ITSN1: variants seen among roughly 807,000 people sequenced by gnomAD.
ITSN1 encodes intersectin 1, also known as intersectin-1.
In ITSN1, 58 loss-of-function variants were observed where a neutral mutation model predicts 239.8. The ratio of observed to expected loss-of-function variants is 0.24; its 90% confidence interval spans 0.20 to 0.30. The LOEUF is 0.30. Ranked by LOEUF, ITSN1 falls within the 10% of genes least tolerant of loss-of-function variation. The pLI, the probability that ITSN1 is intolerant of heterozygous loss-of-function variation, is 1.00. For synonymous variants in ITSN1, 780 were observed against 770.8 expected, an observed-to-expected ratio of 1.01 and a Z score of -0.20; for missense variants, 1,558 against 2,103.3, an observed-to-expected ratio of 0.74 and a Z score of 5.07.
At chr21:33,738,204 A>G (rs2066620167) in intron 5 of ITSN1, among the ~76,000 whole-genome samples, 1 of 151,998 alleles carries the variant, frequency 6.6e-6, no homozygotes, top group Non-Finnish European at 1.5e-5. Context: ...AAAACAAAAC[A>G]AAAATCTGAC....
At chr21:33,867,912 C>T (rs1296237975) in intron 33 of ITSN1, among the ~76,000 whole-genome samples, 1 of 152,018 alleles carries the variant, frequency 6.6e-6, no homozygotes, top group Non-Finnish European at 1.5e-5. Flanking sequence ...GTTCGTTCCT[C>T]CCGGTGGGCT....
At chr21:33,827,483 GT>G (rs2074038380) in intron 26 of ITSN1, among the ~76,000 whole-genome samples, 1 of 152,214 alleles carries the variant, frequency 6.6e-6, no homozygotes, top group East Asian at 1.9e-4. Context: ...ACATGGAGCT[GT>G]AGGATTATGG....
intron 14 of ITSN1, among the ~76,000 whole-genome samples, chr21:33,778,576 T>TGTATGTAAG: frequency 8.7e-6 from 1 of 114,524 alleles, no homozygotes; most frequent in African/African-American, 4.0e-5. Context: ...ATTCTCTTTT[T>TGTATGTAAG]TTTTTTTTTT....
chr21:33,731,294 C>T (rs553940378), intron 4 of ITSN1, among the ~76,000 whole-genome samples: 1 of 152,274 alleles, frequency 6.6e-6, no homozygotes, highest in Non-Finnish European at 1.5e-5. Context: ...AGAGACCATA[C>T]TGGGCAGTGG....
chr21:33,774,121 T>C (rs2069401840), intron 12 of ITSN1, among the ~76,000 whole-genome samples: 1 of 152,208 alleles, frequency 6.6e-6, no homozygotes, highest in African/African-American at 2.4e-5. Context: ...ACATTTACCA[T>C]GTATCAGGTG....
intron 33 of ITSN1, among the ~76,000 whole-genome samples, chr21:33,873,574 C>G (rs934492249): frequency 6.6e-6 from 1 of 152,186 alleles, no homozygotes; most frequent in Non-Finnish European, 1.5e-5. Context: ...ACCTGAGACT[C>G]AGAACATTTA....
At chr21:33,687,398 TAAAAAAAAAAAAAAAA>T (rs58230508) in intron 1 of ITSN1, among the ~76,000 whole-genome samples, 2 of 81,344 alleles carry the variant, frequency 2.5e-5, no homozygotes, top group African/African-American at 1.1e-4. Context: ...AACTCCATCT[TAAAAAAAAAAAAAAAA>T]AAAAAAAAAA....
chr21:33,868,462 G>A (rs912454895), intron 33 of ITSN1, among the ~76,000 whole-genome samples: 1 of 152,220 alleles, frequency 6.6e-6, no homozygotes. Flanking sequence ...GCCCTGCCCC[G>A]CGGGAAGGCA....
chr21:33,741,109 T>C (rs2066822675), intron 5 of ITSN1, among the ~76,000 whole-genome samples: 1 of 152,210 alleles, frequency 6.6e-6, no homozygotes, highest in South Asian at 2.1e-4. Context: ...GTTAGGGGTC[T>C]GCAGCACAGA....
chr21:33,829,870 G>T, intron 27 of ITSN1, 125 bp downstream of exon 27: 1 of 1,110,494 alleles, frequency 9.0e-7, no homozygotes, highest in East Asian at 2.5e-5. Context: ...TATTTGGATA[G>T]TGAGAGATGC....
intron 2 of ITSN1, 83 bp downstream of exon 2, chr21:33,718,939 A>G (rs762141335): frequency 2.4e-4 from 255 of 1,057,108 alleles, no homozygotes; most frequent in Non-Finnish European, 3.1e-4. Context: ...TTAAAATTAA[A>G]AAGTAGAGAA....
At chr21:33,871,200 T>C (rs959230872) in intron 33 of ITSN1, among the ~76,000 whole-genome samples, 1 of 151,128 alleles carries the variant, frequency 6.6e-6, no homozygotes, top group Non-Finnish European at 1.5e-5. Flanking sequence ...TTAATGGGAA[T>C]GGTTAAATAA....
chr21:33,788,113 C>T (rs1395627247), intron 16 of ITSN1, among the ~76,000 whole-genome samples: 1 of 152,164 alleles, frequency 6.6e-6, no homozygotes, highest in Non-Finnish European at 1.5e-5. Flanking sequence ...GTGACTGAAG[C>T]AGACACTTTG....
chr21:33,812,060 G>A lies in ITSN1; in HGVS notation c.2567+838G>A, dbSNP rs142764519. On this transcript the variant is annotated intron_variant, in intron 21 of 39. Coordinates refer to ENST00000381318, the MANE Select transcript of ITSN1 (RefSeq NM_003024.3). ...CAGGGCGGGAGGAAGTGGAGGGAAG[G>A]ATGTAAGGAATAGCAAGTTTTTCAT... Among the ~76,000 whole-genome samples, 259 of 152,250 alleles carry A rather than the reference G, an allele frequency of 1.7e-3. 3 individuals carry two copies. The highest frequency in any genetic ancestry group is 5.8e-3 in the African/African-American group (241 of 41,552).
intron 11 of ITSN1, among the ~76,000 whole-genome samples, chr21:33,768,619 C>G (rs1276567127): frequency 6.6e-6 from 1 of 152,066 alleles, no homozygotes; most frequent in Non-Finnish European, 1.5e-5. Context: ...AATGATAAAT[C>G]CATCATACTA....
At chr21:33,728,888 C>G (rs1052090024) in intron 4 of ITSN1, among the ~76,000 whole-genome samples, 1 of 152,160 alleles carries the variant, frequency 6.6e-6, no homozygotes, top group African/African-American at 2.4e-5. Flanking sequence ...CCCCACTCCC[C>G]CCTGCCCCAT....
intron 27 of ITSN1, 124 bp from the exon 28 acceptor site, chr21:33,834,183 T>A: frequency 1.5e-6 from 1 of 683,090 alleles, no homozygotes; most frequent in Non-Finnish European, 2.6e-6. Flanking sequence ...TCCATAGATT[T>A]TACCGTTAAT....
At chr21:33,867,810 T>C (rs1042772931) in intron 33 of ITSN1, among the ~76,000 whole-genome samples, 13 of 148,626 alleles carry the variant, frequency 8.7e-5, no homozygotes, top group African/African-American at 3.0e-4. Flanking sequence ...AGTTTCTTCC[T>C]TCTGGTGGGT....
intron 1 of ITSN1, among the ~76,000 whole-genome samples, chr21:33,680,306 G>A (rs1449755047): frequency 6.7e-6 from 1 of 149,746 alleles, no homozygotes; most frequent in Non-Finnish European, 1.5e-5. Flanking sequence ...CATTGGTGCC[G>A]TATTTTCTTT....
Sources: allele counts gnomAD v4.1 joint callset (sites outside exome capture counted in the v4.1 genomes callset), GRCh38; gene constraint gnomAD v4.1.1; transcripts MANE v1.5; gene names NCBI Gene and HGNC (gene_info 2026-07-23, HGNC 2026-07-21).